Variants in PCDHGB7 observed in about 807,000 individuals in gnomAD.
PCDHGB7 encodes the protein protocadherin gamma subfamily B, 7.
In PCDHGB7, 37 loss-of-function variants were observed where a neutral mutation model predicts 61.4. That is an observed-to-expected ratio of 0.60 (90% CI 0.46 to 0.79). The LOEUF is 0.79. PCDHGB7 is among the 30% of genes least tolerant of loss of function. The probability of loss-of-function intolerance (pLI) is 0.00; values close to 1 mark genes in which losing one functional copy is unlikely to be tolerated. For synonymous variants in PCDHGB7, 464 were observed against 503.5 expected, an observed-to-expected ratio of 0.92 and a Z score of 1.05; for missense variants, 1,166 against 1,202.5, an observed-to-expected ratio of 0.97 and a Z score of 0.45.
intron 1 of PCDHGB7, among the ~76,000 whole-genome samples, chr5:141,483,725 C>T (rs903001715): frequency 1.3e-5 from 2 of 152,008 alleles, no homozygotes; most frequent in Non-Finnish European, 1.5e-5. Context: ...TGGTTCCCAC[C>T]ATAGTCAAAA....
chr5:141,504,645 T>C (rs1481469819), intron 2 of PCDHGB7, among the ~76,000 whole-genome samples: 2 of 112,538 alleles, frequency 1.8e-5, no homozygotes, highest in Non-Finnish European at 3.4e-5. Context: ...GGTTTGATGA[T>C]AGAGTGTTTG....
Position 141,447,048 on chromosome 5 carries a change from A to G in PCDHGB7, c.2415+26774A>G, listed in dbSNP as rs149112101. Among the ~76,000 whole-genome samples, 216 of 152,182 alleles carry G rather than the reference A, an allele frequency of 1.4e-3. 1 individual carries two copies. Among genetic ancestry groups the G allele is most frequent in the African/African-American group, 4.8e-3 (198 of 41,512 alleles). On this transcript the variant is annotated intron_variant, in intron 1 of 3. Transcript: ENST00000398594. ...GTTTTTTTTCTGTGTCTGGAATTCT[A>G]TTAAAATGTGTCAGGCTGTTTTAAT...
chr5:141,495,107 A>G (rs559621284), intron 2 of PCDHGB7, among the ~76,000 whole-genome samples: 1 of 152,166 alleles, frequency 6.6e-6, no homozygotes, highest in East Asian at 1.9e-4. Flanking sequence ...CACGACCGGC[A>G]CCTTTTCCTA....
chr5:141,428,886 G>T (rs1002869474), intron 1 of PCDHGB7: 3 of 149,710 alleles, frequency 2.0e-5, no homozygotes, highest in Non-Finnish European at 2.9e-5. Context: ...ACGGAGTCTC[G>T]CTCTGTGGTC....
chr5:141,423,832 T>G, intron 1 of PCDHGB7: 113 of 1,253,376 alleles, frequency 9.0e-5, no homozygotes, highest in East Asian at 2.6e-4. Context: ...TTTCATGAGA[T>G]TACGATAATC....
chr5:141,422,809 G>A (rs1169197801), intron 1 of PCDHGB7: 8 of 1,614,232 alleles, frequency 5.0e-6, no homozygotes, highest in Non-Finnish European at 6.8e-6. Context: ...GCAGTTTCGA[G>A]ACTTAGAACT....
chr5:141,478,758 T>C (rs1333135263), intron 1 of PCDHGB7: 2 of 1,515,540 alleles, frequency 1.3e-6, no homozygotes, highest in South Asian at 1.3e-5. Flanking sequence ...AGGGGGAAGA[T>C]ACTTGACTCA....
intron 1 of PCDHGB7, among the ~76,000 whole-genome samples, chr5:141,481,730 G>C (rs778885944): frequency 6.6e-5 from 10 of 151,952 alleles, no homozygotes; most frequent in Non-Finnish European, 1.3e-4. Flanking sequence ...GAGGCGGGCG[G>C]ATCACGAGGT....
At chr5:141,506,805 G>A (rs1314432893) in intron 3 of PCDHGB7, among the ~76,000 whole-genome samples, 1 of 152,172 alleles carries the variant, frequency 6.6e-6, no homozygotes, top group African/African-American at 2.4e-5. Flanking sequence ...GAGGATCAAG[G>A]CATTGCCCTA....
chr5:141,427,046 C>G (rs916723344), intron 1 of PCDHGB7: 2 of 457,362 alleles, frequency 4.4e-6, no homozygotes, highest in Admixed American at 4.7e-5. Context: ...AGAATGTGCC[C>G]CCAGGCACCT....
chr5:141,486,901 T>A lies in PCDHGB7; in HGVS notation c.2416-7906T>A. The A allele has an allele frequency of 6.2e-7, 1 of 1,614,238 alleles. No homozygotes were observed. Among genetic ancestry groups the A allele is most frequent in the Non-Finnish European group, 8.5e-7 (1 of 1,180,042 alleles). ...CTCGGGCCCGGCCTGGTTCCTTATG[T>A]CCCCAAGCACTGCCTCCATCAGTTG... On this transcript the variant is annotated intron_variant, in intron 1 of 3. Transcript: ENST00000398594. This position sits in a 1 kb window ranked among gnomAD's most constrained non-coding sequence, Gnocchi z 5.0.
intron 1 of PCDHGB7, among the ~76,000 whole-genome samples, chr5:141,425,427 A>G (rs925551543): frequency 2.2e-4 from 33 of 152,362 alleles, no homozygotes; most frequent in Non-Finnish European, 4.1e-4. Flanking sequence ...GTCCCATTAA[A>G]TAGAGGATAA....
At chr5:141,455,911 ATTTT>A (rs1404284843) in intron 1 of PCDHGB7, among the ~76,000 whole-genome samples, 2 of 114,614 alleles carry the variant, frequency 1.7e-5, no homozygotes, top group African/African-American at 3.3e-5. Context: ...TTATTTATTT[ATTTT>A]GAGACGGAGT....
chr5:141,472,218 G>A (rs1206861601), intron 1 of PCDHGB7, among the ~76,000 whole-genome samples: 3 of 152,054 alleles, frequency 2.0e-5, no homozygotes, highest in Admixed American at 2.0e-4. Flanking sequence ...CCTTACTCTC[G>A]ATCATATAAT....
At chr5:141,488,687 GA>G (rs1238909682) in intron 1 of PCDHGB7, among the ~76,000 whole-genome samples, 1 of 152,192 alleles carries the variant, frequency 6.6e-6, no homozygotes, top group East Asian at 1.9e-4. Flanking sequence ...GCCTCTCCCA[GA>G]AGGACAAGAT....
chr5:141,492,396 A>G (rs1400291073), intron 1 of PCDHGB7, among the ~76,000 whole-genome samples: 1 of 152,188 alleles, frequency 6.6e-6, no homozygotes, highest in Non-Finnish European at 1.5e-5. Flanking sequence ...GTCCACTCGC[A>G]GCTCCCCTCT....
Position 141,489,465 on chromosome 5 carries a change from T to C in PCDHGB7, c.2416-5342T>C. On this transcript the variant is annotated intron_variant, in intron 1 of 3. Transcript: ENST00000398594. The surrounding 1 kb of genome is among the most constrained non-coding windows in gnomAD (Gnocchi z 4.5). The stretch of plus-strand genomic sequence containing the variant: ...GCTCTGAGGAGAATGGGCGCTATTT[T>C]TCCCTGAGCTTGATGAGTGGTGCCC... The C allele has an allele frequency of 1.2e-6, 2 of 1,614,082 alleles. No homozygotes were observed. The highest frequency in any genetic ancestry group is 1.3e-5 in the African/African-American group (1 of 75,042).
chr5:141,463,086 GC>G (rs1171354311), intron 1 of PCDHGB7, among the ~76,000 whole-genome samples: 1 of 152,098 alleles, frequency 6.6e-6, no homozygotes, highest in African/African-American at 2.4e-5. Context: ...ACATTTTCCA[GC>G]CCTATGTGAC....
intron 1 of PCDHGB7, among the ~76,000 whole-genome samples, chr5:141,438,339 AGGATC>A (rs1013025873): frequency 1.6e-4 from 25 of 151,944 alleles, no homozygotes; most frequent in Non-Finnish European, 1.9e-4. Flanking sequence ...ATGTCATATA[AGGATC>A]TACTCTGTGT....
Sources: allele counts gnomAD v4.1 joint callset (sites outside exome capture counted in the v4.1 genomes callset), GRCh38; gene constraint gnomAD v4.1.1; non-coding constraint Gnocchi (gnomAD v3.1); transcripts MANE v1.5; gene names NCBI Gene and HGNC (gene_info 2026-07-23, HGNC 2026-07-21).